Variants in FGF17 observed in about 807,000 individuals in gnomAD.
The protein encoded by FGF17 is fibroblast growth factor 17.
FGF17 carries 5 observed loss-of-function variants against 23.5 expected under a neutral mutation model. That is an observed-to-expected ratio of 0.21 (90% CI 0.11 to 0.45). FGF17 has a LOEUF of 0.45. FGF17 is among the 20% of genes least tolerant of loss of function. The pLI, the probability that FGF17 is intolerant of heterozygous loss-of-function variation, is 0.99. For synonymous variants in FGF17, 136 were observed against 123.0 expected, an observed-to-expected ratio of 1.11 and a Z score of -0.70; for missense variants, 221 against 306.9, an observed-to-expected ratio of 0.72 and a Z score of 2.09.
chr8:22,048,227 G>T lies in FGF17; in HGVS notation c.629G>T (p.Arg210Leu). ...CCCACCCGCCGGACCAAGCGCACAC[G>T]GCGGCCCCAGCCCCTCACGTAGTCT... Reference protein sequence around the residue: ...SAPTRRTKRTRRPQPLT With the variant: ...SAPTRRTKRTLRPQPLT The change falls in exon 5 of 5, where the codon CGG (arginine) becomes CTG (leucine). Residue 210 changes from arginine to leucine, a missense_variant. Arg to Leu is a moderately radical substitution (Grantham distance 102, BLOSUM62 -2). Around this residue, in one of 3 missense-constraint regions of FGF17, gnomAD observed 128 missense variants for 150.4 expected, o/e 0.85. Coordinates refer to ENST00000359441, the MANE Select transcript of FGF17 (RefSeq NM_003867.4). This position sits in a 1 kb window ranked among gnomAD's most constrained non-coding sequence, Gnocchi z 6.9. The T allele has an allele frequency of 5.0e-6, 8 of 1,607,962 alleles. No homozygotes were observed. The highest frequency in any genetic ancestry group is 5.9e-6 in the Non-Finnish European group (7 of 1,177,858).
intron 2 of FGF17, chr8:22,044,980 G>A (rs551004194): frequency 1.0e-6 from 1 of 985,718 alleles, no homozygotes; most frequent in Non-Finnish European, 1.2e-6. Context: ...TCCCAGCACA[G>A]GCAGCGGCAT....
In FGF17 at chr8:22,048,350, C is replaced by T. The variant is rs1361217602; in HGVS notation, c.*101C>T. On this transcript the variant is annotated 3_prime_UTR_variant, in exon 5 of 5. Coordinates refer to ENST00000359441, the MANE Select transcript of FGF17 (RefSeq NM_003867.4). The surrounding 1 kb of genome is among the most constrained non-coding windows in gnomAD (Gnocchi z 6.9). ...GGTGGCGGGAGGGGAGCCAGATCCCCGAGGGAGGACCCTGAGGGCCGCGAA... is the reference window on the plus strand; with the variant it reads ...GGTGGCGGGAGGGGAGCCAGATCCCTGAGGGAGGACCCTGAGGGCCGCGAA... 1.9e-5 allele frequency: 20 copies of T among 1,080,142 alleles called. No individual in the cohort carries two copies. In the East Asian group the frequency reaches 3.6e-4, roughly 20 times the overall value. The allele number at this position is 1,080,142 out of a possible 1,614,324, so 66.9% of individuals were successfully genotyped here.
At chr8:22,040,110 G>A (rs118006823), upstream of FGF17, among the ~76,000 whole-genome samples, 56 of 152,120 alleles carry the variant, frequency 3.7e-4, no homozygotes, top group East Asian at 8.9e-3. Flanking sequence ...TCCAGTCAAG[G>A]GAGAGAGTCT....
upstream of FGF17, among the ~76,000 whole-genome samples, chr8:22,041,246 G>A (rs1442821878): frequency 6.6e-6 from 1 of 152,224 alleles, no homozygotes; most frequent in East Asian, 1.9e-4. Context: ...CCGAGGAAGA[G>A]CCTGCGGAGA....
upstream of FGF17, chr8:22,042,742 CCCT>C (rs1800759080): frequency 1.6e-6 from 1 of 620,452 alleles, no homozygotes; most frequent in Non-Finnish European, 2.9e-6. Context: ...CCCAATTACG[CCCT>C]CCTCCTCCCC....
At chr8:22,045,912 C>T (rs745528909) in intron 2 of FGF17, 2 of 1,480,644 alleles carry the variant, frequency 1.4e-6, no homozygotes, top group Non-Finnish European at 9.0e-7. Context: ...CCAGTCCCTT[C>T]TGTAAGGTAG....
At chr8:22,042,814 A>C, upstream of FGF17, 13 of 1,073,456 alleles carry the variant, frequency 1.2e-5, no homozygotes, top group Non-Finnish European at 1.7e-5. Flanking sequence ...GCCCCCCTGA[A>C]AACCTGTGGC....
At chr8:22,045,636 G>C in intron 2 of FGF17, 1 of 1,059,598 alleles carries the variant, frequency 9.4e-7, no homozygotes, top group South Asian at 3.2e-5. Flanking sequence ...TGCTGGGCAA[G>C]GGGTCTTTCA....
At chr8:22,040,867 G>A (rs2129643143), upstream of FGF17, among the ~76,000 whole-genome samples, 2 of 152,328 alleles carry the variant, frequency 1.3e-5, no homozygotes, top group Middle Eastern at 6.8e-3. Flanking sequence ...GTTTCTCAGG[G>A]AATGAGCCAG....
intron 3 of FGF17, 83 bp from the exon 4 acceptor site, chr8:22,046,444 C>A: frequency 7.0e-7 from 1 of 1,422,606 alleles, no homozygotes; most frequent in South Asian, 1.2e-5. Context: ...GTCTGGAGGT[C>A]AGTGTGGCTG....
chr8:22,039,896 T>C (rs957231745), upstream of FGF17, among the ~76,000 whole-genome samples: 17 of 151,878 alleles, frequency 1.1e-4, no homozygotes, highest in African/African-American at 3.9e-4. Context: ...GTGGGCTCTG[T>C]GTTTGCACCA....
Position 22,043,196 on chromosome 8 carries a change from C to G in FGF17, c.72+15C>G. 1 of 1,612,796 alleles carries G rather than the reference C, an allele frequency of 6.2e-7. No individual in the cohort carries two copies. The highest frequency in any genetic ancestry group is 8.5e-7 in the Non-Finnish European group (1 of 1,179,880). The stretch of plus-strand genomic sequence containing the variant: ...GTCAAACTCAGGTAGGCGGGCATTC[C>G]CACCGGCTTTCCCCCAATTTTTCCA... On this transcript the variant is annotated intron_variant, in intron 2 of 4. Coordinates refer to ENST00000359441, the MANE Select transcript of FGF17 (RefSeq NM_003867.4).
chr8:22,043,025 C>A, intron 1 of FGF17, 62 bp downstream of exon 1: 1 of 1,604,120 alleles, frequency 6.2e-7, no homozygotes, highest in Middle Eastern at 1.7e-4. Flanking sequence ...GGCAGCCCTC[C>A]TCTTCCCGGG....
upstream of FGF17, among the ~76,000 whole-genome samples, chr8:22,039,726 C>T (rs1004279271): frequency 1.3e-5 from 2 of 152,092 alleles, no homozygotes; most frequent in African/African-American, 4.8e-5. Flanking sequence ...GAAACTCCGT[C>T]TCAAAAAAGA....
At chr8:22,044,924 G>C in intron 2 of FGF17, 1 of 985,614 alleles carries the variant, frequency 1.0e-6, no homozygotes, top group Non-Finnish European at 1.2e-6. Context: ...TTGGGCCTGG[G>C]ATAAAGGTGG....
intron 4 of FGF17, 89 bp downstream of exon 4, chr8:22,046,722 C>A: frequency 1.2e-6 from 1 of 839,412 alleles, no homozygotes; most frequent in Non-Finnish European, 2.0e-6. Context: ...CTCCTCTGAG[C>A]CACACACCCT....
intron 4 of FGF17, 130 bp from the exon 5 acceptor site, chr8:22,047,826 A>T (rs1800969716): frequency 1.2e-6 from 1 of 834,510 alleles, no homozygotes; most frequent in Admixed American, 2.9e-5. Context: ...CTCACCAGGC[A>T]GAGTTCCCTG....
upstream of FGF17, among the ~76,000 whole-genome samples, chr8:22,040,040 C>A (rs1194462637): frequency 1.3e-5 from 2 of 152,130 alleles, no homozygotes; most frequent in East Asian, 1.9e-4. Context: ...AACCCCACCC[C>A]CCCAGCAATG....
At chr8:22,043,301 A>G (rs1430183119) in intron 2 of FGF17, 120 bp downstream of exon 2, 3 of 988,488 alleles carry the variant, frequency 3.0e-6, no homozygotes, top group Non-Finnish European at 4.7e-6. Context: ...CCCTGGGTCC[A>G]GGAGGCACTG....
Sources: allele counts gnomAD v4.1 joint callset (sites outside exome capture counted in the v4.1 genomes callset), GRCh38; gene constraint gnomAD v4.1.1; regional missense constraint gnomAD v4.1.1; non-coding constraint Gnocchi (gnomAD v3.1); transcripts MANE v1.5; gene names NCBI Gene and HGNC (gene_info 2026-07-23, HGNC 2026-07-21).